GPC6: variants seen among roughly 807,000 people sequenced by gnomAD.
GPC6 encodes glypican-6.
A neutral mutation model predicts 55.2 loss-of-function variants in GPC6; 14 were observed. The ratio of observed to expected loss-of-function variants is 0.25; its 90% CI spans 0.17 to 0.40. The LOEUF (loss-of-function observed/expected upper bound fraction) is 0.40, where lower values mean the gene tolerates loss of function less well. GPC6 is among the 10% of genes least tolerant of loss of function. The pLI is 1.00. For missense variants in GPC6, 641 were observed against 708.5 expected (o/e 0.90, Z 1.08); for synonymous variants, 278 against 259.6 (o/e 1.07, Z -0.68).
At chr13:93,986,719 C>G (rs1881048781) in intron 3 of GPC6, among the ~76,000 whole-genome samples, 1 of 152,140 alleles carries the variant, frequency 6.6e-6, no homozygotes, top group African/African-American at 2.4e-5. Context: ...ATTCACCATT[C>G]TCTCACCCAG....
intron 1 of GPC6, among the ~76,000 whole-genome samples, chr13:93,302,422 C>A (rs9524007): frequency 6.6e-6 from 1 of 152,162 alleles, no homozygotes; most frequent in South Asian, 2.1e-4. Flanking sequence ...CATGTTTTAA[C>A]CTGGAGTATG....
At chr13:93,676,511 G>A (rs1001073480) in intron 2 of GPC6, among the ~76,000 whole-genome samples, 1 of 151,976 alleles carries the variant, frequency 6.6e-6, no homozygotes, top group Non-Finnish European at 1.5e-5. Flanking sequence ...AGAGCTTGTG[G>A]GCAACTGAGG....
At chr13:93,530,371 C>A (rs1460324754) in intron 1 of GPC6, among the ~76,000 whole-genome samples, 1 of 152,152 alleles carries the variant, frequency 6.6e-6, no homozygotes, top group South Asian at 2.1e-4. Flanking sequence ...TCATTTCTCT[C>A]CAGGTAATTC....
chr13:93,484,456 C>T (rs1413818981), intron 1 of GPC6, among the ~76,000 whole-genome samples: 3 of 152,010 alleles, frequency 2.0e-5, no homozygotes, highest in Non-Finnish European at 2.9e-5. Context: ...TCTCTAATCC[C>T]GAGTATGCTG....
intron 1 of GPC6, among the ~76,000 whole-genome samples, chr13:93,340,033 T>TC (rs1880192519): frequency 1.1e-5 from 1 of 91,848 alleles, no homozygotes; most frequent in South Asian, 5.1e-4. Flanking sequence ...TTTCTTTTTT[T>TC]TTTTTTTTTT....
intron 1 of GPC6, among the ~76,000 whole-genome samples, chr13:93,316,122 C>T (rs780100206): frequency 9.9e-5 from 15 of 151,944 alleles, no homozygotes; most frequent in Non-Finnish European, 1.6e-4. Context: ...TGGTATATTG[C>T]CTTCTAAACT....
At chr13:94,152,035 C>T (rs1458544170) in intron 4 of GPC6, among the ~76,000 whole-genome samples, 1 of 152,018 alleles carries the variant, frequency 6.6e-6, no homozygotes, top group Non-Finnish European at 1.5e-5. Context: ...GAGCAATCTA[C>T]AGGGACTTGT....
intron 2 of GPC6, among the ~76,000 whole-genome samples, chr13:93,609,107 A>T (rs903645903): frequency 2.0e-5 from 3 of 152,144 alleles, no homozygotes; most frequent in Non-Finnish European, 4.4e-5. Context: ...CTCCCATCCA[A>T]TCAGTCCCCA....
chr13:93,406,955 G>T (rs1380439012), intron 1 of GPC6, among the ~76,000 whole-genome samples: 1 of 152,128 alleles, frequency 6.6e-6, no homozygotes, highest in Non-Finnish European at 1.5e-5. Context: ...TGTAATTTTT[G>T]ATTTTATATT....
rs377740787 is a variant in GPC6 at position 93,492,895 on chromosome 13, T to A, written c.161-52368T>A. Among the ~76,000 whole-genome samples the A allele has an allele frequency of 4.8e-4, 69 of 144,964 alleles. 1 individual carries two copies. In the East Asian group the frequency reaches 0.012, roughly 26 times the overall value. The stretch of plus-strand genomic sequence containing the variant: ...GCCCACTTGATCATGGTGGATAAGC[T>A]TTTTGATGTGCTGCTGGATTCGGTT... On this transcript the variant is annotated intron_variant, in intron 1 of 8. Coordinates refer to ENST00000377047, the MANE Select transcript of GPC6 (RefSeq NM_005708.5).
At chr13:93,375,593 T>C (rs1342435522) in intron 1 of GPC6, among the ~76,000 whole-genome samples, 1 of 152,210 alleles carries the variant, frequency 6.6e-6, no homozygotes, top group Non-Finnish European at 1.5e-5. Context: ...AGAATGAGTC[T>C]TCTCATTTTC....
At chr13:93,225,432 T>C (rs1875737605), upstream of GPC6, among the ~76,000 whole-genome samples, 1 of 152,176 alleles carries the variant, frequency 6.6e-6, no homozygotes, top group Non-Finnish European at 1.5e-5. Flanking sequence ...GTGCTAAAAT[T>C]TTAAGAGAAA....
intron 4 of GPC6, among the ~76,000 whole-genome samples, chr13:94,047,612 T>C (rs541253584): frequency 9.9e-5 from 15 of 152,236 alleles, no homozygotes; most frequent in Non-Finnish European, 1.8e-4. Flanking sequence ...GATTTGCAAA[T>C]TACTCTGGGC....
At chr13:93,313,801 G>A (rs1879155039) in intron 1 of GPC6, among the ~76,000 whole-genome samples, 3 of 151,808 alleles carry the variant, frequency 2.0e-5, no homozygotes, top group Admixed American at 2.0e-4. Context: ...CAAGTAGCTG[G>A]GACTACAGGT....
At chr13:93,321,833 C>T (rs1879447885) in intron 1 of GPC6, among the ~76,000 whole-genome samples, 2 of 152,090 alleles carry the variant, frequency 1.3e-5, no homozygotes, top group South Asian at 4.1e-4. Flanking sequence ...ATTCTCAGCC[C>T]ATTTCAACAT....
chr13:94,231,757 T>C lies in GPC6; in HGVS notation c.878-54592T>C, dbSNP rs189407825. On this transcript the variant is annotated intron_variant, in intron 4 of 8. Coordinates refer to ENST00000377047, the MANE Select transcript of GPC6 (RefSeq NM_005708.5). ...CTAATCTTGGGGTCAGAAAAATAAA[T>C]GTCAGAGGAAATAATAGACTTTATT... 4.9e-3 allele frequency among the ~76,000 whole-genome samples: 746 copies of C among 152,064 alleles called. 3 individuals carry two copies. The highest frequency in any genetic ancestry group is 8.1e-3 in the Non-Finnish European group (548 of 67,984).
chr13:93,255,881 C>A (rs911897803), intron 1 of GPC6, among the ~76,000 whole-genome samples: 4 of 151,970 alleles, frequency 2.6e-5, no homozygotes, highest in Non-Finnish European at 5.9e-5. Context: ...TGCCTGTAAT[C>A]TCAGCATTTT....
intron 5 of GPC6, among the ~76,000 whole-genome samples, chr13:94,301,819 C>T (rs997488128): frequency 3.9e-5 from 6 of 152,322 alleles, no homozygotes; most frequent in Middle Eastern, 3.4e-3. Context: ...TCTCCATCTC[C>T]AGCCATAACC....
At chr13:94,037,783 G>A (rs1366614841) in intron 4 of GPC6, among the ~76,000 whole-genome samples, 1 of 151,816 alleles carries the variant, frequency 6.6e-6, no homozygotes. Context: ...GTGACTACAA[G>A]GATTGATAAG....
Sources: gnomAD v4.1 joint callset for allele counts (sites outside exome capture counted in the v4.1 genomes callset) on GRCh38, gnomAD v4.1.1 for gene constraint, MANE v1.5 for transcripts, NCBI Gene and HGNC (gene_info 2026-07-23, HGNC 2026-07-21) for gene names.